Variants in AUTS2 observed in about 807,000 individuals in gnomAD.
The protein encoded by AUTS2 is autism susceptibility gene 2 protein.
A neutral mutation model predicts 112.4 loss-of-function variants in AUTS2; 17 were observed. That is an observed-to-expected ratio of 0.15 (90% CI 0.10 to 0.23). The LOEUF (loss-of-function observed/expected upper bound fraction) is 0.23. Ranked by LOEUF, AUTS2 falls within the 10% of genes least tolerant of loss-of-function variation. The pLI is 1.00. For synonymous variants in AUTS2, 751 were observed against 702.7 expected (o/e 1.07, Z -1.09); for missense variants, 1,510 against 1,701.6 (o/e 0.89, Z 1.98).
chr7:69,626,634 T>A (rs574245506), intron 1 of AUTS2, among the ~76,000 whole-genome samples: 7 of 152,320 alleles, frequency 4.6e-5, no homozygotes, highest in Admixed American at 4.6e-4. Flanking sequence ...TCAGAGGTGC[T>A]CAAAGTATCA....
chr7:70,316,528 C>A (rs746510669), intron 4 of AUTS2, among the ~76,000 whole-genome samples: 1 of 151,722 alleles, frequency 6.6e-6, no homozygotes, highest in African/African-American at 2.4e-5. Context: ...CTCAGCCACC[C>A]GAGCAGCTGG....
intron 1 of AUTS2, among the ~76,000 whole-genome samples, chr7:69,809,358 G>A (rs909605645): frequency 1.3e-5 from 2 of 151,702 alleles, no homozygotes; most frequent in African/African-American, 2.4e-5. Flanking sequence ...GATTACAGGC[G>A]TGAGCCACCA....
chr7:70,586,714 G>C (rs1018407728), intron 5 of AUTS2, among the ~76,000 whole-genome samples: 6 of 152,142 alleles, frequency 3.9e-5, no homozygotes, highest in Non-Finnish European at 8.8e-5. Flanking sequence ...TTTACGTTCT[G>C]GGTGGATTTG....
At chr7:70,171,905 T>TGG (rs567903138) in intron 4 of AUTS2, among the ~76,000 whole-genome samples, 27 of 146,818 alleles carry the variant, frequency 1.8e-4, no homozygotes, top group East Asian at 1.4e-3. Flanking sequence ...TTTTTTTTTT[T>TGG]GGGGGGGGGT....
intron 2 of AUTS2, among the ~76,000 whole-genome samples, chr7:70,075,931 T>C (rs1214162617): frequency 6.6e-6 from 1 of 152,166 alleles, no homozygotes; most frequent in African/African-American, 2.4e-5. Flanking sequence ...TATTTTAGGT[T>C]TTTTGGGCCA....
intron 4 of AUTS2, among the ~76,000 whole-genome samples, chr7:70,421,572 G>A (rs1795219891): frequency 6.6e-6 from 1 of 152,192 alleles, no homozygotes; most frequent in Admixed American, 6.5e-5. Flanking sequence ...GCCTGCTGCT[G>A]AAGTGCTGGT....
chr7:70,073,247 A>G (rs796304125), intron 2 of AUTS2, among the ~76,000 whole-genome samples: 8 of 151,900 alleles, frequency 5.3e-5, no homozygotes, highest in African/African-American at 1.9e-4. Flanking sequence ...GCAATGGCTC[A>G]TGCCTGTAAT....
chr7:70,580,252 C>T (rs527961787), intron 5 of AUTS2, among the ~76,000 whole-genome samples: 34 of 152,296 alleles, frequency 2.2e-4, no homozygotes. Context: ...TCATCCTGAC[C>T]TTCAGCTATG....
At chr7:70,423,650 A>G (rs957066965) in intron 4 of AUTS2, among the ~76,000 whole-genome samples, 2 of 152,230 alleles carry the variant, frequency 1.3e-5, no homozygotes, top group African/African-American at 2.4e-5. Context: ...ATGTTCATCA[A>G]GAACCTAAAG....
At chr7:70,692,634 A>G (rs1563131471) in intron 5 of AUTS2, among the ~76,000 whole-genome samples, 1 of 152,168 alleles carries the variant, frequency 6.6e-6, no homozygotes, top group African/African-American at 2.4e-5. Context: ...TTTTAAAAAG[A>G]CTTGTATAAC....
chr7:69,742,686 C>G (rs565514675), intron 1 of AUTS2, among the ~76,000 whole-genome samples: 21 of 152,256 alleles, frequency 1.4e-4, no homozygotes, highest in African/African-American at 5.1e-4. Flanking sequence ...GGTAGATTAT[C>G]TTACCTGTCC....
chr7:70,510,031 A>G (rs1799119962), intron 5 of AUTS2, among the ~76,000 whole-genome samples: 2 of 151,910 alleles, frequency 1.3e-5, no homozygotes, highest in South Asian at 4.1e-4. Context: ...TTGCCAAGGG[A>G]TGTTGAAGGC....
chr7:69,891,129 ATAAT>A (rs1794501697), intron 1 of AUTS2, among the ~76,000 whole-genome samples: 1 of 152,190 alleles, frequency 6.6e-6, no homozygotes, highest in African/African-American at 2.4e-5. Flanking sequence ...ATGTCCCTTT[ATAAT>A]CCCTTCTTCC....
chr7:69,811,046 T>C (rs1342745447), intron 1 of AUTS2, among the ~76,000 whole-genome samples: 4 of 152,204 alleles, frequency 2.6e-5, no homozygotes, highest in Admixed American at 2.6e-4. Flanking sequence ...ATCTTTGCCC[T>C]CATTCCTTGT....
chr7:70,138,583 T>A (rs1329845278), intron 4 of AUTS2, among the ~76,000 whole-genome samples: 1 of 152,236 alleles, frequency 6.6e-6, no homozygotes, highest in African/African-American at 2.4e-5. Flanking sequence ...GTAAACTCCA[T>A]AATTTCTCTT....
At chr7:69,890,714 A>T (rs1456879542) in intron 1 of AUTS2, among the ~76,000 whole-genome samples, 1 of 151,760 alleles carries the variant, frequency 6.6e-6, no homozygotes, top group Non-Finnish European at 1.5e-5. Flanking sequence ...AAAAATACGA[A>T]CTCTACCTTG....
intron 5 of AUTS2, among the ~76,000 whole-genome samples, chr7:70,629,260 C>G (rs1371720213): frequency 1.3e-5 from 2 of 152,086 alleles, no homozygotes; most frequent in Non-Finnish European, 2.9e-5. Flanking sequence ...CACCTGAGCT[C>G]AAGAGTTTGA....
chr7:70,097,357 G>A (rs987450194), intron 2 of AUTS2, among the ~76,000 whole-genome samples: 3 of 152,094 alleles, frequency 2.0e-5, no homozygotes, highest in Admixed American at 6.5e-5. Context: ...ACTGGTGGGT[G>A]ACATTTTCTT....
intron 5 of AUTS2, among the ~76,000 whole-genome samples, chr7:70,524,209 G>A (rs939623300): frequency 2.0e-5 from 3 of 152,202 alleles, no homozygotes; most frequent in Non-Finnish European, 4.4e-5. Context: ...TAATAAAGCA[G>A]AAAGGAACCA....
Sources: gnomAD v4.1 joint callset for allele counts (sites outside exome capture counted in the v4.1 genomes callset) on GRCh38, gnomAD v4.1.1 for gene constraint, MANE v1.5 for transcripts, NCBI Gene and HGNC (gene_info 2026-07-23, HGNC 2026-07-21) for gene names.